The following STK3 variants were observed in gnomAD, a reference collection of about 807,000 sequenced individuals.
The protein encoded by STK3 is serine/threonine-protein kinase 3.
A neutral mutation model predicts 58.0 loss-of-function variants in STK3; 41 were observed. That is an observed-to-expected ratio of 0.71 (90% CI 0.55 to 0.92). The LOEUF (loss-of-function observed/expected upper bound fraction) is 0.92. Ranked by LOEUF, STK3 falls within the 40% of genes least tolerant of loss-of-function variation. The probability of loss-of-function intolerance (pLI) is 0.00; values close to 1 mark genes in which losing one functional copy is unlikely to be tolerated. For missense variants in STK3, 479 were observed against 602.7 expected (o/e 0.79, Z 2.15); for synonymous variants, 170 against 191.0 (o/e 0.89, Z 0.91).
intron 1 of STK3, among the ~76,000 whole-genome samples, chr8:98,807,974 A>G (rs895873493): frequency 2.6e-5 from 4 of 152,166 alleles, no homozygotes; most frequent in Non-Finnish European, 5.9e-5. Context: ...AACAGAATAC[A>G]CTCGTAGAAA....
the STK3 span, among the ~76,000 whole-genome samples, chr8:98,346,144 G>T: frequency 4.6e-5 from 7 of 151,838 alleles, no homozygotes; most frequent in Non-Finnish European, 1.5e-5. Context: ...AATTAGCCAG[G>T]CATGATCTTG....
intron 4 of STK3, among the ~76,000 whole-genome samples, chr8:98,714,244 G>A (rs547030290): frequency 0.01 from 1,566 of 152,184 alleles, 19 homozygotes; most frequent in African/African-American, 0.032. Context: ...CTCTCTCACC[G>A]CTCCTATTCA....
At chr8:98,938,387 G>A (rs1005778294) in intron 1 of STK3, among the ~76,000 whole-genome samples, 1 of 152,210 alleles carries the variant, frequency 6.6e-6, no homozygotes, top group Non-Finnish European at 1.5e-5. Context: ...CTTGGCATAA[G>A]AAGACTAGAA....
chr8:98,793,411 G>A (rs1587638151), intron 1 of STK3, among the ~76,000 whole-genome samples: 1 of 152,066 alleles, frequency 6.6e-6, no homozygotes, highest in South Asian at 2.1e-4. Context: ...GGCGGCACAA[G>A]CCTGCAGCCC....
chr8:98,456,188 T>C (rs914747010), intron 10 of STK3, among the ~76,000 whole-genome samples, 188 bp from the exon 11 acceptor site: 1 of 152,240 alleles, frequency 6.6e-6, no homozygotes, highest in Admixed American at 6.5e-5. Context: ...TCAGAGGTCA[T>C]ATCTTGCAAG....
intron 1 of STK3, among the ~76,000 whole-genome samples, chr8:98,796,059 C>T (rs1209348903): frequency 6.6e-6 from 1 of 152,048 alleles, no homozygotes; most frequent in Non-Finnish European, 1.5e-5. Flanking sequence ...TTAAAATGGC[C>T]ACACAGCCCA....
At chr8:98,700,489 T>C (rs909238713) in intron 6 of STK3, among the ~76,000 whole-genome samples, 3 of 152,226 alleles carry the variant, frequency 2.0e-5, no homozygotes, top group Non-Finnish European at 2.9e-5. Flanking sequence ...ACCAGAGCTG[T>C]TCCTATTCGG....
intron 6 of STK3, among the ~76,000 whole-genome samples, chr8:98,620,552 A>G (rs1174699543): frequency 2.0e-5 from 3 of 151,376 alleles, no homozygotes; most frequent in Non-Finnish European, 1.5e-5. Context: ...AAATTAAAAA[A>G]AATACACTAA....
chr8:98,450,356 C>T (rs1470475894), downstream of STK3, among the ~76,000 whole-genome samples: 3 of 152,152 alleles, frequency 2.0e-5, no homozygotes, highest in African/African-American at 4.8e-5. Context: ...TTAGTATTTA[C>T]GTGTCATATG....
chr8:98,614,601 C>T (rs199983245), intron 6 of STK3, among the ~76,000 whole-genome samples: 4 of 149,602 alleles, frequency 2.7e-5, no homozygotes, highest in Non-Finnish European at 5.9e-5. Context: ...AGTGGGTGTG[C>T]GCACCGTGCG....
At chr8:98,698,245 G>T (rs944004711) in intron 6 of STK3, among the ~76,000 whole-genome samples, 1 of 151,186 alleles carries the variant, frequency 6.6e-6, no homozygotes, top group African/African-American at 2.4e-5. Flanking sequence ...TTTATTTTGA[G>T]CCTATGTGTG....
intron 3 of STK3, among the ~76,000 whole-genome samples, chr8:98,865,994 A>C (rs1448948020): frequency 6.6e-6 from 1 of 152,232 alleles, no homozygotes; most frequent in Non-Finnish European, 1.5e-5. Flanking sequence ...CATTCCTGGG[A>C]TGCAGGACCA....
intron 10 of STK3, among the ~76,000 whole-genome samples, chr8:98,461,232 A>G (rs899310668): frequency 3.3e-5 from 5 of 152,034 alleles, no homozygotes; most frequent in East Asian, 1.9e-4. Flanking sequence ...TTATCATTAC[A>G]TAATGTCATT....
the STK3 span, among the ~76,000 whole-genome samples, chr8:98,360,324 C>T: frequency 1.6e-4 from 25 of 152,178 alleles, no homozygotes; most frequent in Admixed American, 1.6e-3. Context: ...GTGTGTAACT[C>T]CCTGCAGACC....
At chr8:98,430,415 T>TGG (rs1196903500) in intron 3 of STK3, 1 of 167,132 alleles carries the variant, frequency 6.0e-6, no homozygotes, top group Non-Finnish European at 1.5e-5. Context: ...AGAAGTTTAC[T>TGG]GTTGTATCGT....
chr8:98,674,201 G>C (rs1183024259), intron 6 of STK3, among the ~76,000 whole-genome samples: 3 of 152,108 alleles, frequency 2.0e-5, no homozygotes, highest in Admixed American at 2.0e-4. Flanking sequence ...GAAATAAAGA[G>C]ATGACATGCA....
At chr8:98,564,214 T>C (rs911002281) in intron 8 of STK3, among the ~76,000 whole-genome samples, 1 of 152,086 alleles carries the variant, frequency 6.6e-6, no homozygotes, top group African/African-American at 2.4e-5. Flanking sequence ...TTCTACAAAA[T>C]GTCTAACCAT....
At chr8:98,706,682 G>C in intron 5 of STK3, 48 bp from the exon 6 acceptor site, 1 of 1,461,982 alleles carries the variant, frequency 6.8e-7, no homozygotes. Context: ...AAGCACAAAG[G>C]AAATCTGTAT....
At chr8:98,440,443 C>G (rs986543247) in intron 1 of STK3, among the ~76,000 whole-genome samples, 2 of 152,200 alleles carry the variant, frequency 1.3e-5, no homozygotes, top group African/African-American at 4.8e-5. Flanking sequence ...TCACCACCAT[C>G]CAATTCCAGA....
Sources: allele counts gnomAD v4.1 joint callset (sites outside exome capture counted in the v4.1 genomes callset), GRCh38; gene constraint gnomAD v4.1.1; transcripts MANE v1.5; gene names NCBI Gene and HGNC (gene_info 2026-07-23, HGNC 2026-07-21).